Variants in DFFB observed in about 807,000 individuals in gnomAD.
The protein encoded by DFFB is DNA fragmentation factor 40 kDa subunit.
In DFFB, 29 loss-of-function variants were observed where a neutral mutation model predicts 32.7. The observed-to-expected ratio is 0.89, with a 90% CI of 0.66 to 1.21. The LOEUF is 1.21. Ranked by LOEUF, DFFB falls within the 50% of genes most tolerant of loss-of-function variation. The probability of loss-of-function intolerance (pLI) is 0.00; values close to 1 mark genes in which losing one functional copy is unlikely to be tolerated. For missense variants in DFFB, 398 were observed against 440.6 expected, an observed-to-expected ratio of 0.90 and a Z score of 0.87; for synonymous variants, 170 against 177.1, an observed-to-expected ratio of 0.96 and a Z score of 0.32.
intron 2 of DFFB, among the ~76,000 whole-genome samples, 189 bp downstream of exon 2, chr1:3,859,033 G>C (rs58298325): frequency 0.022 from 3,367 of 152,288 alleles, 84 homozygotes; most frequent in East Asian, 0.1. Context: ...CAGTCCTCTC[G>C]TTCATGAACC....
rs556387075 is a variant in DFFB at position 3,864,927 on chromosome 1, T to G, written c.242-885T>G. On this transcript the variant is annotated intron_variant, in intron 2 of 6. Transcript: ENST00000378209. ...TGTTTCTTCCTGTCTCTTGTCCTTT[T>G]TCTAATTGGCTTATTTATCTATTTT... 2.6e-5 allele frequency among the ~76,000 whole-genome samples: 4 copies of G among 152,330 alleles called. No individual in the cohort carries two copies. In the South Asian group the frequency reaches 8.3e-4, roughly 32 times the overall value.
chr1:3,868,120 G>A (rs1645020492), intron 4 of DFFB, 67 bp downstream of exon 4: 1 of 1,419,608 alleles, frequency 7.0e-7, no homozygotes, highest in Non-Finnish European at 1.0e-6. Flanking sequence ...GGCTCTGGAA[G>A]CCTGTGGTCC....
chr1:3,859,969 GCTCT>G (rs1340445549), intron 2 of DFFB, among the ~76,000 whole-genome samples: 2 of 151,776 alleles, frequency 1.3e-5, no homozygotes, highest in Non-Finnish European at 2.9e-5. Context: ...TCTGTCTCTG[GCTCT>G]CTCTGTCTGT....
At chr1:3,867,585 G>T in intron 3 of DFFB, 1 of 187,982 alleles carries the variant, frequency 5.3e-6, no homozygotes, top group Non-Finnish European at 1.1e-5. Flanking sequence ...AGGTGTCGTT[G>T]CTCACACCTA....
intron 3 of DFFB, among the ~76,000 whole-genome samples, chr1:3,867,056 T>C (rs10797350): frequency 0.67 from 101,492 of 152,010 alleles, 37,954 homozygotes; most frequent in Non-Finnish European, 0.87. Flanking sequence ...CCACCACGCC[T>C]GGCTAATTTT....
At chr1:3,881,274 C>G (rs1645332029) in intron 6 of DFFB, among the ~76,000 whole-genome samples, 1 of 152,266 alleles carries the variant, frequency 6.6e-6, no homozygotes, top group Non-Finnish European at 1.5e-5. Context: ...CAGAAGGCCC[C>G]CCAGGCCAAC....
In DFFB at chr1:3,865,801, A is replaced by G; in HGVS notation, c.242-11A>G. The stretch of plus-strand genomic sequence containing the variant: ...TGGACCGGCACCTTTTGTTTGTCCC[A>G]TTGGTGGCAGATGTGAGCGACATCA... On this transcript the variant is annotated splice_polypyrimidine_tract_variant and intron_variant, in intron 2 of 6. Transcript: ENST00000378209. The surrounding 1 kb of genome is among the most constrained non-coding windows in gnomAD (Gnocchi z 4.7). The G allele has an allele frequency of 9.9e-6, 16 of 1,613,978 alleles. No homozygotes were observed. The highest frequency in any genetic ancestry group is 1.4e-5 in the Non-Finnish European group (16 of 1,180,012).
At chr1:3,861,443 TTTTG>T (rs1644878978) in intron 2 of DFFB, among the ~76,000 whole-genome samples, 4 of 152,212 alleles carry the variant, frequency 2.6e-5, no homozygotes, top group Non-Finnish European at 5.9e-5. Context: ...TCTTGTTTTC[TTTTG>T]AGACAGGGTC....
Position 3,883,801 on chromosome 1 carries a change from G to T in DFFB, c.*60G>T. On this transcript the variant is annotated 3_prime_UTR_variant, in exon 7 of 7. Coordinates refer to ENST00000378209, the MANE Select transcript of DFFB (RefSeq NM_004402.4). Reference sequence around the variant, plus strand: ...CCTGACGTGGGCATCATTTTAACAGGTGCCTTTTTTGTTTTTTTGTTTTTC... The same window carrying T: ...CCTGACGTGGGCATCATTTTAACAGTTGCCTTTTTTGTTTTTTTGTTTTTC... The T allele has an allele frequency of 6.7e-7, 1 of 1,484,746 alleles. No individual in the cohort carries two copies. The highest frequency in any genetic ancestry group is 9.2e-7 in the Non-Finnish European group (1 of 1,082,438). The allele number at this position is 1,484,746 out of a possible 1,614,324, so 92.0% of individuals were successfully genotyped here. A position where few individuals can be genotyped will look rare whatever the true frequency, so the allele number is the denominator to read the frequency against.
At position 3,868,624 on chromosome 1, in the gene DFFB, ACCAGG is replaced by A. The variant is rs1557716064; in HGVS notation, c.510+575_510+579del. Among the ~76,000 whole-genome samples, 3 of 151,890 alleles carry A rather than the reference ACCAGG, an allele frequency of 2.0e-5. 1 individual carries two copies. The highest frequency in any genetic ancestry group is 4.4e-5 in the Non-Finnish European group (3 of 67,860). On this transcript the variant is annotated intron_variant, in intron 4 of 6. Coordinates refer to ENST00000378209, the MANE Select transcript of DFFB (RefSeq NM_004402.4). Reference sequence around the variant, plus strand: ...ACCACACCATACCAGACCACACCACACCAGGCCACACCACACCAAGCCACACCACA... The same window carrying A: ...ACCACACCATACCAGACCACACCACACCACACCACACCAAGCCACACCACA...
chr1:3,865,521 T>A lies in DFFB; in HGVS notation c.242-291T>A. 3 of 541,940 alleles carry A rather than the reference T, an allele frequency of 5.5e-6. No individual in the cohort carries two copies. The highest frequency in any genetic ancestry group is 1.0e-5 in the Non-Finnish European group (3 of 299,712). The allele number at this position is 541,940 out of a possible 1,614,324, so 33.6% of individuals were successfully genotyped here. ...AAGGGCCAAAGTGGGGGGCGTATGGTTTGGAGGGGAGGAGGCCAAATGGGA... is the reference window on the plus strand; with the variant it reads ...AAGGGCCAAAGTGGGGGGCGTATGGATTGGAGGGGAGGAGGCCAAATGGGA... On this transcript the variant is annotated intron_variant, in intron 2 of 6. Transcript: ENST00000378209. The surrounding 1 kb of genome is among the most constrained non-coding windows in gnomAD (Gnocchi z 4.7).
intron 3 of DFFB, among the ~76,000 whole-genome samples, chr1:3,866,788 T>C (rs1644989118): frequency 6.6e-6 from 1 of 152,178 alleles, no homozygotes; most frequent in Non-Finnish European, 1.5e-5. Flanking sequence ...ATTTGATGAC[T>C]CTAGGGACCT....
In DFFB at chr1:3,884,027, G is replaced by A; in HGVS notation, c.*286G>A. 2 of 392,380 alleles carry A rather than the reference G, an allele frequency of 5.1e-6. No individual in the cohort carries two copies. Among genetic ancestry groups the A allele is most frequent in the East Asian group, 5.1e-5 (1 of 19,452 alleles). 24.3% of individuals were successfully genotyped at this position (392,380 alleles called of 1,614,324 possible). ...GCCTCCCGAGTAGCTGGGATTACAG[G>A]CATGTGCCACCACGCCCGGCTAATG... On this transcript the variant is annotated 3_prime_UTR_variant, in exon 7 of 7. Coordinates refer to ENST00000378209, the MANE Select transcript of DFFB (RefSeq NM_004402.4).
chr1:3,871,932 C>T (rs561306716), intron 5 of DFFB, among the ~76,000 whole-genome samples: 1 of 152,216 alleles, frequency 6.6e-6, no homozygotes, highest in Admixed American at 6.5e-5. Context: ...TAAGCCAGAT[C>T]TCAGGAGGAC....
chr1:3,858,187 T>C (rs899760357), intron 1 of DFFB, among the ~76,000 whole-genome samples: 2 of 152,202 alleles, frequency 1.3e-5, no homozygotes, highest in African/African-American at 4.8e-5. Flanking sequence ...CAGGTGTGCA[T>C]TGCCGGGGTC....
In DFFB at chr1:3,865,266, C is replaced by T. The variant is rs12741965; in HGVS notation, c.242-546C>T. On this transcript the variant is annotated intron_variant, in intron 2 of 6. Coordinates refer to ENST00000378209, the MANE Select transcript of DFFB (RefSeq NM_004402.4). The surrounding 1 kb of genome is among the most constrained non-coding windows in gnomAD (Gnocchi z 4.7). The stretch of plus-strand genomic sequence containing the variant: ...TTCTCATATGGTGGATCGCACTGAT[C>T]GATTTGCAGGTGTGAACCAGCCTTG... Among the ~76,000 whole-genome samples, 2 of 151,942 alleles carry T rather than the reference C, an allele frequency of 1.3e-5. No individual in the cohort carries two copies. Among genetic ancestry groups the T allele is most frequent in the Non-Finnish European group, 2.9e-5 (2 of 67,996 alleles).
intron 2 of DFFB, among the ~76,000 whole-genome samples, chr1:3,860,902 C>T (rs932910652): frequency 6.6e-5 from 10 of 152,128 alleles, no homozygotes; most frequent in Non-Finnish European, 1.0e-4. Context: ...CACCTGTAAT[C>T]CCAGCACTTT....
chr1:3,880,698 C>T (rs935075142), intron 6 of DFFB, among the ~76,000 whole-genome samples: 1 of 151,608 alleles, frequency 6.6e-6, no homozygotes, highest in African/African-American at 2.4e-5. Context: ...TCTGGTGGAG[C>T]CTTCTGCTGC....
chr1:3,876,909 G>T (rs2124761753), intron 6 of DFFB, among the ~76,000 whole-genome samples: 1 of 152,356 alleles, frequency 6.6e-6, no homozygotes, highest in East Asian at 1.9e-4. Context: ...AGCCCATGCG[G>T]TTCAGGGGCC....
Sources: allele counts gnomAD v4.1 joint callset (sites outside exome capture counted in the v4.1 genomes callset), GRCh38; gene constraint gnomAD v4.1.1; non-coding constraint Gnocchi (gnomAD v3.1); transcripts MANE v1.5; gene names NCBI Gene and HGNC (gene_info 2026-07-23, HGNC 2026-07-21).